Variants in C10orf90 observed in about 807,000 individuals in gnomAD.
C10orf90 encodes the protein chromosome 10 open reading frame 90, also known as (E2-independent) E3 ubiquitin-conjugating enzyme FATS.
A neutral mutation model predicts 62.5 loss-of-function variants in C10orf90; 56 were observed. The observed-to-expected ratio is 0.90, with a 90% confidence interval of 0.72 to 1.12. C10orf90 has a LOEUF of 1.12. Ranked by LOEUF, C10orf90 falls within the 50% of genes most tolerant of loss-of-function variation. The probability of loss-of-function intolerance (pLI) is 0.00; values close to 1 mark genes in which losing one functional copy is unlikely to be tolerated. For synonymous variants in C10orf90, 386 were observed against 340.4 expected, an observed-to-expected ratio of 1.13 and a Z score of -1.47; for missense variants, 970 against 880.4, an observed-to-expected ratio of 1.10 and a Z score of -1.29.
rs983146967 is a variant in C10orf90, at chr10:126,453,402, T to C, written c.2188+5638A>G. ...CTGGAGGGATGCAAGAATACCAAGA[T>C]GCAAAGAGTGTTCAAATGGGAGTGA... On this transcript the variant is annotated intron_variant, in intron 7 of 9. Transcript: ENST00000488181. This position sits in a 1 kb window ranked among gnomAD's most constrained non-coding sequence, Gnocchi z 4.9. Among the ~76,000 whole-genome samples, 6 of 151,900 alleles carry C rather than the reference T, an allele frequency of 3.9e-5. No homozygotes were observed. The highest frequency in any genetic ancestry group is 7.4e-5 in the Non-Finnish European group (5 of 67,990).
rs186442439 is a variant in C10orf90, at chr10:126,542,536, T to A, written c.314-28597A>T. 3.8e-3 allele frequency among the ~76,000 whole-genome samples: 575 copies of A among 152,084 alleles called. 2 individuals are homozygous for A. The highest frequency in any genetic ancestry group is 0.013 in the South Asian group (62 of 4,802). On this transcript the variant is annotated intron_variant, in intron 2 of 9. Coordinates refer to ENST00000488181, the MANE Select transcript of C10orf90 (RefSeq NM_001350921.2). ...AATAAATAAAAAATAATACTTTTTT[T>A]AAAAAAAGGTTTGGGAACTAGATAA...
chr10:126,491,095 T>A (rs943499946), intron 4 of C10orf90, among the ~76,000 whole-genome samples: 1 of 152,132 alleles, frequency 6.6e-6, no homozygotes, highest in African/African-American at 2.4e-5. Flanking sequence ...ATAAAATAGG[T>A]AAGGATAAAT....
At chr10:126,426,454 ATT>A (rs1857270275) in intron 8 of C10orf90, among the ~76,000 whole-genome samples, 1 of 152,244 alleles carries the variant, frequency 6.6e-6, no homozygotes, top group Admixed American at 6.5e-5. Flanking sequence ...CTGCTTTAGC[ATT>A]CTGATTGTAA....
intron 1 of C10orf90, among the ~76,000 whole-genome samples, chr10:126,657,262 C>CT (rs1323961462): frequency 6.6e-6 from 1 of 152,174 alleles, no homozygotes; most frequent in Non-Finnish European, 1.5e-5. Flanking sequence ...TCTCCAGTAC[C>CT]TTTTTATCAT....
In C10orf90 at chr10:126,642,388, C is replaced by A. The variant is rs375410620; in HGVS notation, c.313+4177G>T. On this transcript the variant is annotated intron_variant, in intron 2 of 9. Transcript: ENST00000488181. Reference sequence around the variant, plus strand: ...TCTACTAAAAATACAAAAAATTAGCCGGGCGTGGTGGCGGGCGCCTGTAGT... The same window carrying A: ...TCTACTAAAAATACAAAAAATTAGCAGGGCGTGGTGGCGGGCGCCTGTAGT... Among the ~76,000 whole-genome samples the A allele has an allele frequency of 7.1e-4, 108 of 152,128 alleles. 2 individuals are homozygous for A. In the South Asian group the frequency reaches 0.022, roughly 31 times the overall value.
intron 8 of C10orf90, 115 bp from the exon 9 acceptor site, chr10:126,426,205 A>G (rs1857255192): frequency 2.4e-6 from 2 of 832,122 alleles, no homozygotes; most frequent in Non-Finnish European, 3.9e-6. Flanking sequence ...ATCGCTGCTT[A>G]TGGGCTAGCT....
chr10:126,444,636 A>G (rs190875906), intron 7 of C10orf90, among the ~76,000 whole-genome samples: 261 of 152,272 alleles, frequency 1.7e-3, no homozygotes, highest in African/African-American at 5.8e-3. Context: ...CTATCAAAAT[A>G]CCACCATCAT....
At chr10:126,448,107 T>C (rs1858916939) in intron 7 of C10orf90, among the ~76,000 whole-genome samples, 1 of 146,484 alleles carries the variant, frequency 6.8e-6, no homozygotes, top group Non-Finnish European at 1.5e-5. Context: ...CTTGACCTCA[T>C]GATCCCCCTG....
intron 2 of C10orf90, among the ~76,000 whole-genome samples, chr10:126,548,178 A>C (rs943724256): frequency 1.3e-5 from 2 of 152,212 alleles, no homozygotes; most frequent in Admixed American, 6.5e-5. Context: ...TTTTTTGTAG[A>C]TATAGACAAG....
chr10:126,576,758 A>ATATATGTATATGTACATATACATAT (rs367880921), intron 2 of C10orf90, among the ~76,000 whole-genome samples: 1 of 75,904 alleles, frequency 1.3e-5, no homozygotes, highest in Non-Finnish European at 2.6e-5. Flanking sequence ...ACATATAGAT[A>ATATATGTATATGTACATATACATAT]ATATGTATAT....
chr10:126,661,265 A>C (rs1846504700), intron 1 of C10orf90, among the ~76,000 whole-genome samples: 1 of 152,208 alleles, frequency 6.6e-6, no homozygotes, highest in African/African-American at 2.4e-5. Context: ...CAACAACAAC[A>C]ACTCATTTTC....
chr10:126,633,525 T>C (rs926257754), intron 2 of C10orf90, among the ~76,000 whole-genome samples: 2 of 152,004 alleles, frequency 1.3e-5, no homozygotes, highest in Admixed American at 6.6e-5. Context: ...GGGAGAAGAG[T>C]GGCCCCTCCT....
chr10:126,433,094 A>G (rs928994247), intron 7 of C10orf90, among the ~76,000 whole-genome samples: 7 of 152,152 alleles, frequency 4.6e-5, no homozygotes, highest in African/African-American at 1.7e-4. Flanking sequence ...GCAGGTAGCC[A>G]TGGGACTCTT....
At chr10:126,474,366 G>A (rs1860746457) in intron 4 of C10orf90, among the ~76,000 whole-genome samples, 2 of 152,188 alleles carry the variant, frequency 1.3e-5, no homozygotes, top group African/African-American at 2.4e-5. Context: ...TGTCAGGGTG[G>A]CAGGTGTGCA....
chr10:126,449,139 C>G (rs1488239173), intron 7 of C10orf90, among the ~76,000 whole-genome samples: 1 of 152,102 alleles, frequency 6.6e-6, no homozygotes, highest in Non-Finnish European at 1.5e-5. Context: ...AAATCCTCAA[C>G]AAAATACTAG....
chr10:126,525,468 T>A (rs1863909266), intron 2 of C10orf90, among the ~76,000 whole-genome samples: 1 of 152,164 alleles, frequency 6.6e-6, no homozygotes, highest in Non-Finnish European at 1.5e-5. Context: ...TCAGCTGAAT[T>A]GGCCGGAGCA....
At chr10:126,580,334 G>C (rs998615088) in intron 2 of C10orf90, among the ~76,000 whole-genome samples, 1 of 152,048 alleles carries the variant, frequency 6.6e-6, no homozygotes, top group African/African-American at 2.4e-5. Context: ...AATTTGAGTT[G>C]GTTTCTCTCA....
intron 2 of C10orf90, among the ~76,000 whole-genome samples, chr10:126,534,847 C>A (rs554721034): frequency 2.0e-5 from 3 of 152,266 alleles, no homozygotes; most frequent in South Asian, 4.2e-4. Context: ...AACAGACCTG[C>A]GAGCTCTGCA....
At chr10:126,479,997 TC>T (rs1861087326) in intron 4 of C10orf90, among the ~76,000 whole-genome samples, 1 of 152,230 alleles carries the variant, frequency 6.6e-6, no homozygotes, top group South Asian at 2.1e-4. Flanking sequence ...TCCCATCTTT[TC>T]TTTGATGACC....
Sources: gnomAD v4.1 joint callset for allele counts (sites outside exome capture counted in the v4.1 genomes callset) on GRCh38, gnomAD v4.1.1 for gene constraint, Gnocchi (gnomAD v3.1) non-coding constraint, MANE v1.5 for transcripts, NCBI Gene and HGNC (gene_info 2026-07-23, HGNC 2026-07-21) for gene names.